Variants in ALK observed in about 807,000 individuals in gnomAD.
The protein encoded by ALK is ALK tyrosine kinase receptor.
ALK carries 74 observed loss-of-function variants against 163.1 expected under a neutral mutation model. The observed-to-expected ratio is 0.45, with a 90% CI of 0.38 to 0.55. The LOEUF is 0.55. ALK is among the 20% of genes least tolerant of loss of function. The pLI, the probability that ALK is intolerant of heterozygous loss-of-function variation, is 0.00. For synonymous variants in ALK, 960 were observed against 843.2 expected, an observed-to-expected ratio of 1.14 and a Z score of -2.40; for missense variants, 2,063 against 2,105.3, an observed-to-expected ratio of 0.98 and a Z score of 0.39.
intron 1 of ALK, among the ~76,000 whole-genome samples, chr2:29,779,417 A>G (rs1023313799): frequency 6.6e-6 from 1 of 152,126 alleles, no homozygotes; most frequent in Non-Finnish European, 1.5e-5. Context: ...ACACAGATAA[A>G]AAGGTGTGCA....
intron 4 of ALK, among the ~76,000 whole-genome samples, chr2:29,446,832 A>G (rs1670697020): frequency 6.6e-6 from 1 of 152,234 alleles, no homozygotes; most frequent in African/African-American, 2.4e-5. Flanking sequence ...ATCAGGAAGA[A>G]GAGTTTAAAC....
chr2:29,410,679 CATCTAAACAT>C (rs1242470869), intron 4 of ALK, among the ~76,000 whole-genome samples: 1 of 152,196 alleles, frequency 6.6e-6, no homozygotes, highest in Non-Finnish European at 1.5e-5. Context: ...TATCTAAACA[CATCTAAACAT>C]AGAAAAAGTA....
intron 1 of ALK, among the ~76,000 whole-genome samples, chr2:29,749,911 G>C (rs1680308697): frequency 6.6e-6 from 1 of 152,144 alleles, no homozygotes; most frequent in Admixed American, 6.5e-5. Flanking sequence ...GAAGTGCAGT[G>C]CTCCTCCCCT....
intron 1 of ALK, among the ~76,000 whole-genome samples, chr2:29,831,259 G>GGAAGAAGAAGAAGAAGAAGAAGAA (rs201594262): frequency 0.017 from 466 of 28,160 alleles, 69 homozygotes; most frequent in East Asian, 0.027. Flanking sequence ...AAGAGGAAGA[G>GGAAGAAGAAGAAGAAGAAGAAGAA]GAAGAAGAAG....
intron 1 of ALK, among the ~76,000 whole-genome samples, chr2:29,727,978 A>G (rs911216988): frequency 6.6e-6 from 1 of 152,258 alleles, no homozygotes; most frequent in African/African-American, 2.4e-5. Context: ...AGTGAAAAAA[A>G]TCACAAAATA....
intron 5 of ALK, among the ~76,000 whole-genome samples, chr2:29,339,647 C>G (rs548266212): frequency 9.2e-5 from 14 of 152,176 alleles, no homozygotes; most frequent in Non-Finnish European, 2.1e-4. Flanking sequence ...GCTGTTGTAA[C>G]CGACCAAGCA....
chr2:29,359,960 G>A (rs1252666501), intron 5 of ALK, among the ~76,000 whole-genome samples: 2 of 152,204 alleles, frequency 1.3e-5, no homozygotes, highest in Non-Finnish European at 2.9e-5. Flanking sequence ...AGACCATGAC[G>A]TTTCCACAGT....
chr2:29,860,515 AC>A (rs1488828074), intron 1 of ALK, among the ~76,000 whole-genome samples: 5 of 152,306 alleles, frequency 3.3e-5, no homozygotes, highest in Middle Eastern at 3.4e-3. Flanking sequence ...ACAAACTAAG[AC>A]TTTAGACCAA....
At chr2:29,218,277 A>G (rs1402180656) in intron 23 of ALK, among the ~76,000 whole-genome samples, 1 of 152,120 alleles carries the variant, frequency 6.6e-6, no homozygotes, top group Non-Finnish European at 1.5e-5. Flanking sequence ...CAAGGGTTGA[A>G]AGAGCAGATT....
chr2:29,390,536 T>G (rs1162781646), intron 4 of ALK, among the ~76,000 whole-genome samples: 1 of 150,416 alleles, frequency 6.6e-6, no homozygotes, highest in East Asian at 1.9e-4. Flanking sequence ...AACAAAGAAC[T>G]GAGCCTGTGG....
chr2:29,825,452 G>T (rs776102069), intron 1 of ALK, among the ~76,000 whole-genome samples: 2 of 152,170 alleles, frequency 1.3e-5, no homozygotes, highest in Non-Finnish European at 2.9e-5. Flanking sequence ...ATATATCACA[G>T]TGTATGTAAA....
intron 1 of ALK, among the ~76,000 whole-genome samples, chr2:29,758,802 G>A (rs530365879): frequency 1.3e-5 from 2 of 152,232 alleles, no homozygotes; most frequent in South Asian, 4.1e-4. Context: ...CTGTTTTCTG[G>A]ACATTTCAGA....
intron 9 of ALK, among the ~76,000 whole-genome samples, chr2:29,283,581 T>A (rs1269028190): frequency 6.6e-6 from 1 of 151,994 alleles, no homozygotes; most frequent in Non-Finnish European, 1.5e-5. Context: ...TGAGAGTAAA[T>A]TAGAAGTCTT....
At position 29,197,598 on chromosome 2, in the gene ALK, C is replaced by T. The variant is rs1573084654; in HGVS notation, c.4017G>A (p.Leu1339=). 1 of 1,613,920 alleles carries T rather than the reference C, an allele frequency of 6.2e-7. No homozygotes were observed. The highest frequency in any genetic ancestry group is 8.5e-7 in the Non-Finnish European group (1 of 1,180,020). The change falls in exon 27 of 29, where the codon CTG becomes CTA. Residue 1339 remains leucine (L), a synonymous_variant. Coordinates refer to ENST00000389048, the MANE Select transcript of ALK (RefSeq NM_004304.5). The part of the protein sequence containing the change: ...PYPSKSNQEV[L]EFVTSGGRMD... ...TCCGGCCTCCACTGGTGACAAACTC[C>T]AGAACTTCCTGGTTGCTTTTGCTGG... is the stretch of plus-strand genomic sequence containing the variant.
At chr2:29,918,974 C>T (rs147215392) in intron 1 of ALK, among the ~76,000 whole-genome samples, 1 of 152,116 alleles carries the variant, frequency 6.6e-6, no homozygotes, top group South Asian at 2.1e-4. Flanking sequence ...AGTTGTCTTA[C>T]AAGAAGAACA....
At chr2:29,832,853 T>C (rs1450220726) in intron 1 of ALK, among the ~76,000 whole-genome samples, 1 of 152,190 alleles carries the variant, frequency 6.6e-6, no homozygotes, top group Non-Finnish European at 1.5e-5. Flanking sequence ...CACTTCACCA[T>C]GAGAGCATGT....
intron 3 of ALK, among the ~76,000 whole-genome samples, chr2:29,633,055 A>G (rs964249353): frequency 1.3e-4 from 20 of 152,136 alleles, no homozygotes; most frequent in Admixed American, 1.2e-3. Flanking sequence ...TCTGATCTTG[A>G]ACTTCTAACC....
In ALK at chr2:29,543,175, G is replaced by A. The variant is rs2148167849; in HGVS notation, c.953-11059C>T. Among the ~76,000 whole-genome samples, 2 of 152,298 alleles carry A rather than the reference G, an allele frequency of 1.3e-5. 1 individual carries two copies. The highest frequency in any genetic ancestry group is 4.8e-5 in the African/African-American group (2 of 41,578). Reference sequence around the variant, plus strand: ...ATGCAGAAATGAACAGAGGCTTGGAGCTCCTGGGGAGAGGTGGCAGCAGAT... The same window carrying A: ...ATGCAGAAATGAACAGAGGCTTGGAACTCCTGGGGAGAGGTGGCAGCAGAT... On this transcript the variant is annotated intron_variant, in intron 3 of 28. Transcript: ENST00000389048.
At chr2:29,646,081 G>A (rs1029506912) in intron 3 of ALK, among the ~76,000 whole-genome samples, 7 of 152,046 alleles carry the variant, frequency 4.6e-5, no homozygotes, top group Non-Finnish European at 1.0e-4. Context: ...TCCTTCTTAA[G>A]ATCTCCACTT....
Sources: allele counts gnomAD v4.1 joint callset (sites outside exome capture counted in the v4.1 genomes callset), GRCh38; gene constraint gnomAD v4.1.1; transcripts MANE v1.5; gene names NCBI Gene and HGNC (gene_info 2026-07-23, HGNC 2026-07-21).